Variants in CDH12 observed in about 807,000 individuals in gnomAD.
CDH12 encodes cadherin-12.
CDH12 carries 41 observed loss-of-function variants against 74.1 expected under a neutral mutation model. The observed-to-expected ratio is 0.55, with a 90% CI of 0.43 to 0.72. The LOEUF (loss-of-function observed/expected upper bound fraction) is 0.72, where lower values mean the gene tolerates loss of function less well. Among genes scored for constraint, CDH12 ranks in the 30% least tolerant of loss-of-function variants. The pLI is 0.00. For missense variants in CDH12, 945 were observed against 977.2 expected (o/e 0.97, Z 0.44); for synonymous variants, 399 against 355.0 (o/e 1.12, Z -1.39).
chr5:22,161,863 A>G (rs1748374391), intron 4 of CDH12, among the ~76,000 whole-genome samples: 1 of 152,068 alleles, frequency 6.6e-6, no homozygotes, highest in Non-Finnish European at 1.5e-5. Flanking sequence ...TTAAAAAATA[A>G]CATGCATAAT....
At chr5:22,429,657 G>T (rs1304841054) in intron 2 of CDH12, among the ~76,000 whole-genome samples, 1 of 152,046 alleles carries the variant, frequency 6.6e-6, no homozygotes, top group Non-Finnish European at 1.5e-5. Flanking sequence ...AACTAAACAT[G>T]AATTTATTAG....
chr5:22,761,959 A>G (rs1392028362), intron 1 of CDH12, among the ~76,000 whole-genome samples: 1 of 151,298 alleles, frequency 6.6e-6, no homozygotes, highest in Non-Finnish European at 1.5e-5. Flanking sequence ...ACACACAATC[A>G]CACACATAAC....
Position 22,314,633 on chromosome 5 carries a change from C to T in CDH12, c.-333+90624G>A, listed in dbSNP as rs75315802. Reference sequence around the variant, plus strand: ...ATACATGGTTTTAGATGGTATGCCACGTAAGGTGAGCTCGTAAATGCAGGA... The same window carrying T: ...ATACATGGTTTTAGATGGTATGCCATGTAAGGTGAGCTCGTAAATGCAGGA... On this transcript the variant is annotated intron_variant, in intron 3 of 14. Coordinates refer to ENST00000382254, the MANE Select transcript of CDH12 (RefSeq NM_004061.5). 9.5e-4 allele frequency among the ~76,000 whole-genome samples: 145 copies of T among 152,126 alleles called. 2 individuals carry two copies. Among genetic ancestry groups the T allele is most frequent in the African/African-American group, 3.3e-3 (138 of 41,502 alleles).
chr5:22,350,644 C>A (rs1740321086), intron 3 of CDH12, among the ~76,000 whole-genome samples: 2 of 152,012 alleles, frequency 1.3e-5, no homozygotes, highest in South Asian at 4.1e-4. Flanking sequence ...TTTTTATCTG[C>A]AAAATATTGC....
chr5:22,800,539 G>A (rs533842421), intron 1 of CDH12, among the ~76,000 whole-genome samples: 1 of 152,214 alleles, frequency 6.6e-6, no homozygotes, highest in African/African-American at 2.4e-5. Context: ...TACAATTGAT[G>A]AACTGCATTG....
rs542111583 is a variant in CDH12 at position 21,913,420 on chromosome 5, C to T, written c.527-58630G>A. Among the ~76,000 whole-genome samples the T allele has an allele frequency of 3.0e-4, 46 of 151,980 alleles. No homozygotes were observed. The South Asian group carries it at 4.4e-3, about 14-fold the overall frequency. On this transcript the variant is annotated intron_variant, in intron 6 of 14. Coordinates refer to ENST00000382254, the MANE Select transcript of CDH12 (RefSeq NM_004061.5). ...TAGGAAATTTTGGAGAAATGATATACGTGTATCTTCTGGGAAAGAAAAAGA... is the reference window on the plus strand; with the variant it reads ...TAGGAAATTTTGGAGAAATGATATATGTGTATCTTCTGGGAAAGAAAAAGA...
At chr5:22,574,205 G>C (rs1043613858) in intron 1 of CDH12, among the ~76,000 whole-genome samples, 1 of 149,582 alleles carries the variant, frequency 6.7e-6, no homozygotes, top group Non-Finnish European at 1.5e-5. Flanking sequence ...TCAGCCTCAC[G>C]AGTAGCTGGG....
chr5:22,298,888 A>T (rs1349349680), intron 3 of CDH12, among the ~76,000 whole-genome samples: 1 of 152,200 alleles, frequency 6.6e-6, no homozygotes, highest in Non-Finnish European at 1.5e-5. Context: ...TTGACTCCAT[A>T]TAATTTACTT....
chr5:22,082,115 T>C (rs1561091273), intron 4 of CDH12, among the ~76,000 whole-genome samples: 1 of 152,290 alleles, frequency 6.6e-6, no homozygotes, highest in African/African-American at 2.4e-5. Context: ...GCCCATATCA[T>C]GGGACTGTAA....
At chr5:22,230,734 G>A (rs1752354071) in intron 3 of CDH12, among the ~76,000 whole-genome samples, 1 of 152,048 alleles carries the variant, frequency 6.6e-6, no homozygotes, top group Admixed American at 6.6e-5. Context: ...CTCCCAAAGT[G>A]CTGGGATTAC....
At chr5:21,968,230 G>A (rs1350449273) in intron 6 of CDH12, among the ~76,000 whole-genome samples, 1 of 152,182 alleles carries the variant, frequency 6.6e-6, no homozygotes, top group Non-Finnish European at 1.5e-5. Flanking sequence ...CCTTTCCAAT[G>A]TATTGACTGC....
At chr5:22,697,306 T>C (rs1248784957) in intron 1 of CDH12, among the ~76,000 whole-genome samples, 1 of 152,080 alleles carries the variant, frequency 6.6e-6, no homozygotes, top group Non-Finnish European at 1.5e-5. Context: ...GCGCGGTGCC[T>C]CACACCTGTA....
chr5:22,175,684 T>C (rs1034252206), intron 4 of CDH12, among the ~76,000 whole-genome samples: 22 of 152,122 alleles, frequency 1.4e-4, no homozygotes, highest in African/African-American at 4.8e-4. Context: ...GTGGTATCTA[T>C]GTAGGTCAAC....
chr5:22,047,568 G>T (rs1408476192), intron 5 of CDH12, among the ~76,000 whole-genome samples: 1 of 151,290 alleles, frequency 6.6e-6, no homozygotes, highest in Non-Finnish European at 1.5e-5. Flanking sequence ...ATCATGCATT[G>T]AGTACATCTT....
At chr5:22,041,868 G>A (rs1422683506) in intron 5 of CDH12, among the ~76,000 whole-genome samples, 2 of 152,096 alleles carry the variant, frequency 1.3e-5, no homozygotes, top group African/African-American at 4.8e-5. Context: ...CTTCTCCCAT[G>A]CACATGAAAC....
intron 1 of CDH12, among the ~76,000 whole-genome samples, chr5:22,525,488 A>G (rs201673384): frequency 2.0e-5 from 3 of 149,870 alleles, no homozygotes; most frequent in Non-Finnish European, 4.5e-5. Flanking sequence ...GAGAGAGAGA[A>G]AGAGAGAGAG....
chr5:22,136,286 A>AG (rs1229693762), intron 4 of CDH12, among the ~76,000 whole-genome samples: 1 of 151,946 alleles, frequency 6.6e-6, no homozygotes, highest in Non-Finnish European at 1.5e-5. Flanking sequence ...ATGGACATCT[A>AG]GGGGAAGAGT....
chr5:22,568,344 T>TG (rs1739386552), intron 1 of CDH12, among the ~76,000 whole-genome samples: 1 of 152,206 alleles, frequency 6.6e-6, no homozygotes, highest in African/African-American at 2.4e-5. Context: ...ATGAGCATGT[T>TG]GGGGTTGATA....
chr5:22,444,758 T>C (rs1196513697), intron 2 of CDH12, among the ~76,000 whole-genome samples: 1 of 152,042 alleles, frequency 6.6e-6, no homozygotes, highest in African/African-American at 2.4e-5. Flanking sequence ...GAGGAATATT[T>C]CAGATGATGA....
Sources: allele counts gnomAD v4.1 joint callset (sites outside exome capture counted in the v4.1 genomes callset), GRCh38; gene constraint gnomAD v4.1.1; transcripts MANE v1.5; gene names NCBI Gene and HGNC (gene_info 2026-07-23, HGNC 2026-07-21).